PCDH15: variants seen among roughly 807,000 people sequenced by gnomAD.
The protein encoded by PCDH15 is protocadherin related 15.
PCDH15 carries 129 observed loss-of-function variants against 178.5 expected under a neutral mutation model. That is an observed-to-expected ratio of 0.72 (90% confidence interval 0.63 to 0.84). PCDH15 has a LOEUF of 0.84. Among genes scored for constraint, PCDH15 ranks in the 40% least tolerant of loss-of-function variants. The pLI, the probability that PCDH15 is intolerant of heterozygous loss-of-function variation, is 0.00. For missense variants in PCDH15, 2,230 were observed against 2,099.9 expected, an observed-to-expected ratio of 1.06 and a Z score of -1.21; for synonymous variants, 800 against 732.0, an observed-to-expected ratio of 1.09 and a Z score of -1.50.
At chr10:55,074,172 T>C (rs1841823633) in intron 2 of PCDH15, among the ~76,000 whole-genome samples, 2 of 152,214 alleles carry the variant, frequency 1.3e-5, no homozygotes, top group Non-Finnish European at 2.9e-5. Flanking sequence ...GCAGTGAACA[T>C]ACACGTGCAC....
intron 3 of PCDH15, among the ~76,000 whole-genome samples, chr10:54,480,044 A>C (rs891655844): frequency 8.5e-5 from 13 of 152,066 alleles, no homozygotes; most frequent in African/African-American, 3.1e-4. Flanking sequence ...TATTATAATG[A>C]GTTCTATGAG....
intron 3 of PCDH15, among the ~76,000 whole-genome samples, chr10:54,446,569 T>C (rs2076152941): frequency 6.6e-6 from 1 of 151,682 alleles, no homozygotes; most frequent in South Asian, 2.1e-4. Context: ...TTTTGAATTA[T>C]TTATTTTTTA....
intron 17 of PCDH15, among the ~76,000 whole-genome samples, chr10:54,073,808 A>G (rs1452420918): frequency 6.6e-6 from 1 of 152,204 alleles, no homozygotes; most frequent in African/African-American, 2.4e-5. Flanking sequence ...AATGAAAAAA[A>G]TTACTGATCA....
chr10:54,698,472 A>G (rs897899578), intron 1 of PCDH15, among the ~76,000 whole-genome samples: 19 of 152,138 alleles, frequency 1.2e-4, no homozygotes, highest in Admixed American at 1.3e-4. Flanking sequence ...CTGAGCAGAG[A>G]AAAAGCTACA....
chr10:55,288,169 T>C (rs181914707), intron 1 of PCDH15, among the ~76,000 whole-genome samples: 1 of 150,914 alleles, frequency 6.6e-6, no homozygotes, highest in South Asian at 2.1e-4. Context: ...TCTGCTTTCA[T>C]ATGCCCAGGT....
chr10:55,549,610 T>C (rs1325620695), intron 2 of PCDH15, among the ~76,000 whole-genome samples: 1 of 152,144 alleles, frequency 6.6e-6, no homozygotes, highest in African/African-American at 2.4e-5. Flanking sequence ...TTCCATTCTT[T>C]TATTTATTTT....
intron 2 of PCDH15, among the ~76,000 whole-genome samples, chr10:55,069,063 ATT>A (rs34609396): frequency 0.49 from 70,536 of 143,170 alleles, 17,679 homozygotes; most frequent in East Asian, 0.73. Context: ...ATGTCCAGCT[ATT>A]TTTTTTTTTT....
chr10:53,830,841 A>G (rs1325803292), intron 30 of PCDH15, among the ~76,000 whole-genome samples: 3 of 152,218 alleles, frequency 2.0e-5, no homozygotes, highest in Non-Finnish European at 2.9e-5. Context: ...TGATTTTACA[A>G]TGCTTTTGCT....
chr10:55,031,645 A>G (rs1234494835), intron 2 of PCDH15, among the ~76,000 whole-genome samples: 1 of 152,132 alleles, frequency 6.6e-6, no homozygotes, highest in Non-Finnish European at 1.5e-5. Flanking sequence ...TTAGAAGGTG[A>G]GGTTTTTTAG....
At chr10:54,212,381 T>G (rs1020750558) in intron 10 of PCDH15, among the ~76,000 whole-genome samples, 1 of 152,158 alleles carries the variant, frequency 6.6e-6, no homozygotes, top group Non-Finnish European at 1.5e-5. Context: ...TAGTCATCCT[T>G]CAGGCTCTCT....
chr10:54,237,876 T>C (rs1482728093), intron 8 of PCDH15, among the ~76,000 whole-genome samples: 1 of 152,226 alleles, frequency 6.6e-6, no homozygotes, highest in Non-Finnish European at 1.5e-5. Context: ...CAATTAACTG[T>C]ACTGCAAATC....
chr10:55,438,093 C>T (rs1565139150), intron 2 of PCDH15, among the ~76,000 whole-genome samples: 1 of 151,844 alleles, frequency 6.6e-6, no homozygotes, highest in Non-Finnish European at 1.5e-5. Flanking sequence ...CCTCAGCCTC[C>T]CAAAGTGCTG....
chr10:53,849,076 ATTTG>A (rs1321583603), intron 28 of PCDH15, among the ~76,000 whole-genome samples: 1 of 152,066 alleles, frequency 6.6e-6, no homozygotes, highest in African/African-American at 2.4e-5. Context: ...ATGTTCATTT[ATTTG>A]TTTGTTTGTT....
intron 2 of PCDH15, among the ~76,000 whole-genome samples, chr10:54,565,450 T>C (rs1340208982): frequency 3.9e-5 from 6 of 152,156 alleles, no homozygotes; most frequent in African/African-American, 1.2e-4. Flanking sequence ...ACAGCAATTA[T>C]AGCCAGTCTG....
At chr10:55,046,439 T>C (rs181365739) in intron 2 of PCDH15, among the ~76,000 whole-genome samples, 367 of 152,062 alleles carry the variant, frequency 2.4e-3, no homozygotes, top group African/African-American at 8.5e-3. Context: ...GTAATGAAAA[T>C]TTCAACTTCA....
intron 2 of PCDH15, among the ~76,000 whole-genome samples, chr10:55,020,555 T>A (rs949392312): frequency 3.9e-5 from 6 of 152,234 alleles, no homozygotes; most frequent in Admixed American, 1.3e-4. Flanking sequence ...AATCTATTAC[T>A]ACATTTTTTT....
chr10:54,668,875 A>T lies in PCDH15; in HGVS notation c.-28-4585T>A, dbSNP rs150560673. ...GGAGTCTCACAGTGAAGTGAGCTGT[A>T]TGTATGCAGTCTGCCCTTCAACAGT... On this transcript the variant is annotated intron_variant, in intron 1 of 37. Coordinates refer to ENST00000644397, the MANE Select transcript of PCDH15 (RefSeq NM_001384140.1). Among the ~76,000 whole-genome samples the T allele has an allele frequency of 2.6e-4, 39 of 152,302 alleles. No individual in the cohort carries two copies. The East Asian group carries it at 7.1e-3, about 28-fold the overall frequency.
intron 2 of PCDH15, among the ~76,000 whole-genome samples, chr10:55,363,618 G>A (rs769160476): frequency 1.3e-5 from 2 of 151,936 alleles, no homozygotes; most frequent in African/African-American, 2.4e-5. Context: ...ATACGTTTCG[G>A]CTTTTCTTTT....
chr10:55,277,802 A>T (rs1407072546), intron 1 of PCDH15, among the ~76,000 whole-genome samples: 1 of 152,032 alleles, frequency 6.6e-6, no homozygotes, highest in Non-Finnish European at 1.5e-5. Context: ...ATGGTCTCAA[A>T]CTCTATAAGT....
Sources: gnomAD v4.1 joint callset for allele counts (sites outside exome capture counted in the v4.1 genomes callset) on GRCh38, gnomAD v4.1.1 for gene constraint, MANE v1.5 for transcripts, NCBI Gene and HGNC (gene_info 2026-07-23, HGNC 2026-07-21) for gene names.